Variants in GPHN observed in about 807,000 individuals in gnomAD.
The protein encoded by GPHN is gephyrin.
Under a neutral mutation model 95.5 loss-of-function variants are expected in GPHN, and 17 were observed. The ratio of observed to expected loss-of-function variants is 0.18; its 90% confidence interval spans 0.12 to 0.27. The LOEUF (loss-of-function observed/expected upper bound fraction) is 0.27. Ranked by LOEUF, GPHN falls within the 10% of genes least tolerant of loss-of-function variation. GPHN has a pLI of 1.00. For missense variants in GPHN, 660 were observed against 978.1 expected (o/e 0.67, Z 4.34); for synonymous variants, 320 against 322.5 (o/e 0.99, Z 0.08).
chr14:67,020,144 G>GT (rs1199938529), intron 9 of GPHN, among the ~76,000 whole-genome samples: 1 of 152,098 alleles, frequency 6.6e-6, no homozygotes, highest in East Asian at 1.9e-4. Flanking sequence ...TCTCTTTTTG[G>GT]TGTGAGATTC....
At chr14:66,757,974 C>A (rs1446191692) in intron 2 of GPHN, among the ~76,000 whole-genome samples, 1 of 152,140 alleles carries the variant, frequency 6.6e-6, no homozygotes, top group Non-Finnish European at 1.5e-5. Flanking sequence ...GTGTTTCCCC[C>A]ACCCAAAGGT....
the GPHN span, among the ~76,000 whole-genome samples, chr14:67,272,460 ATG>A: frequency 3.9e-5 from 6 of 152,200 alleles, no homozygotes; most frequent in African/African-American, 1.4e-4. Flanking sequence ...AGTGAATACT[ATG>A]TGAACTGCTT....
In GPHN at chr14:66,697,688, T is replaced by A. The variant is rs1002619999; in HGVS notation, c.143+16503T>A. Among the ~76,000 whole-genome samples the A allele has an allele frequency of 6.4e-5, 5 of 78,582 alleles. No individual in the cohort carries two copies. The African/African-American group carries it at 8.0e-4, about 13-fold the overall frequency. The allele number at this position is 78,582 out of a possible 152,430, so 51.6% of individuals were successfully genotyped here. On this transcript the variant is annotated intron_variant, in intron 2 of 22. Coordinates refer to ENST00000478722, the MANE Select transcript of GPHN (RefSeq NM_020806.5). ...CTTTTTTTTTTTTCTTTTTTCTTTTTTCTTTTCTTTTTTTTTTGAGATGAG... is the reference window on the plus strand; with the variant it reads ...CTTTTTTTTTTTTCTTTTTTCTTTTATCTTTTCTTTTTTTTTTGAGATGAG...
At chr14:67,586,776 C>T in the GPHN span, 6 of 1,353,948 alleles carry the variant, frequency 4.4e-6, no homozygotes, top group Admixed American at 2.7e-5. Flanking sequence ...ATCTCCAGAT[C>T]CCTTTCTTAA....
intron 2 of GPHN, among the ~76,000 whole-genome samples, chr14:66,718,324 C>G (rs906210889): frequency 2.0e-5 from 3 of 152,106 alleles, no homozygotes; most frequent in Non-Finnish European, 4.4e-5. Context: ...GTGAGTGTTA[C>G]AGTTCTTAAA....
chr14:66,976,417 T>G (rs1272226466), intron 9 of GPHN, among the ~76,000 whole-genome samples: 2 of 152,226 alleles, frequency 1.3e-5, no homozygotes, highest in Non-Finnish European at 2.9e-5. Context: ...CTATCATTAT[T>G]TCAGCAACAA....
chr14:67,305,826 A>G, the GPHN span, among the ~76,000 whole-genome samples: 1 of 152,232 alleles, frequency 6.6e-6, no homozygotes, highest in African/African-American at 2.4e-5. Flanking sequence ...TTGATTAAGA[A>G]TAAAAGGCTG....
At chr14:66,674,743 A>G (rs2066491814) in intron 1 of GPHN, among the ~76,000 whole-genome samples, 2 of 152,158 alleles carry the variant, frequency 1.3e-5, no homozygotes, top group African/African-American at 2.4e-5. Flanking sequence ...GTTTGATTCC[A>G]TATCTTGGAT....
At chr14:66,779,357 TATC>T (rs1352555594) in intron 3 of GPHN, among the ~76,000 whole-genome samples, 1 of 152,198 alleles carries the variant, frequency 6.6e-6, no homozygotes, top group Admixed American at 6.5e-5. Context: ...CTTCTAAAAA[TATC>T]ATCAAATGTT....
At chr14:66,968,315 T>C (rs575890122) in intron 9 of GPHN, among the ~76,000 whole-genome samples, 15 of 152,114 alleles carry the variant, frequency 9.9e-5, no homozygotes, top group South Asian at 4.1e-4. Flanking sequence ...TGATTGGGAA[T>C]GTGTTTAATC....
intron 10 of GPHN, among the ~76,000 whole-genome samples, chr14:67,034,303 A>T (rs2074318404): frequency 6.6e-6 from 1 of 152,178 alleles, no homozygotes; most frequent in South Asian, 2.1e-4. Flanking sequence ...CATGGTAATT[A>T]CAAAGAAAAT....
At chr14:67,238,677 T>G in the GPHN span, among the ~76,000 whole-genome samples, 2 of 152,130 alleles carry the variant, frequency 1.3e-5, no homozygotes, top group South Asian at 2.1e-4. Flanking sequence ...AGGGTCTCAC[T>G]CTATTGCCCA....
the GPHN span, among the ~76,000 whole-genome samples, chr14:67,624,547 C>T: frequency 6.6e-6 from 1 of 152,110 alleles, no homozygotes; most frequent in African/African-American, 2.4e-5. Flanking sequence ...AGGAGGAAGA[C>T]AGCGAAGAGG....
chr14:66,654,638 G>A (rs887601201), intron 1 of GPHN, among the ~76,000 whole-genome samples: 2 of 152,026 alleles, frequency 1.3e-5, no homozygotes, highest in African/African-American at 4.8e-5. Flanking sequence ...TTTTCACACG[G>A]TGAAAGTTTT....
chr14:66,621,931 A>G (rs1207669739), intron 1 of GPHN, among the ~76,000 whole-genome samples: 1 of 152,118 alleles, frequency 6.6e-6, no homozygotes, highest in Non-Finnish European at 1.5e-5. Context: ...TGGATCTGCC[A>G]TTATGGGGTC....
At chr14:66,863,317 A>G (rs1045241578) in intron 4 of GPHN, among the ~76,000 whole-genome samples, 3 of 152,114 alleles carry the variant, frequency 2.0e-5, no homozygotes, top group Non-Finnish European at 4.4e-5. Context: ...AAGAAATTGC[A>G]GAGGACACCA....
intron 1 of GPHN, among the ~76,000 whole-genome samples, chr14:66,605,288 G>A (rs2062468350): frequency 6.6e-6 from 1 of 152,016 alleles, no homozygotes; most frequent in African/African-American, 2.4e-5. Context: ...GCTTTCCACA[G>A]TGGCTGAACT....
At chr14:67,302,015 A>C in the GPHN span, 1 of 1,609,958 alleles carries the variant, frequency 6.2e-7, no homozygotes, top group Non-Finnish European at 8.5e-7. Flanking sequence ...CAGGAAATGC[A>C]GCTAGAGCCC....
At chr14:66,874,631 A>G (rs1330477893) in intron 4 of GPHN, among the ~76,000 whole-genome samples, 4 of 152,218 alleles carry the variant, frequency 2.6e-5, no homozygotes, top group African/African-American at 9.6e-5. Context: ...CAATAGCCGA[A>G]TCAATCAAGC....
Sources: allele counts gnomAD v4.1 joint callset (sites outside exome capture counted in the v4.1 genomes callset), GRCh38; gene constraint gnomAD v4.1.1; transcripts MANE v1.5; gene names NCBI Gene and HGNC (gene_info 2026-07-23, HGNC 2026-07-21).